SPOCK3: variants seen among roughly 807,000 people sequenced by gnomAD.
The protein encoded by SPOCK3 is testican-3.
Under a neutral mutation model 56.6 loss-of-function variants are expected in SPOCK3, and 30 were observed. The observed-to-expected ratio is 0.53, with a 90% CI of 0.40 to 0.72. The LOEUF (loss-of-function observed/expected upper bound fraction) is 0.72. SPOCK3 is among the 30% of genes least tolerant of loss of function. The probability of loss-of-function intolerance (pLI) is 0.00; values close to 1 mark genes in which losing one functional copy is unlikely to be tolerated. For missense variants in SPOCK3, 527 were observed against 530.0 expected (o/e 0.99, Z 0.06); for synonymous variants, 196 against 183.3 (o/e 1.07, Z -0.56).
rs922304290 is a variant in SPOCK3 at position 167,191,588 on chromosome 4, C to T, written c.189+42397G>A. The stretch of plus-strand genomic sequence containing the variant: ...GATTGTTTGCTTTCTTTTTCAGATA[C>T]TTGGTAGTAGATTGAAATGCAAATA... On this transcript the variant is annotated intron_variant, in intron 2 of 10. Coordinates refer to ENST00000357545, the MANE Select transcript of SPOCK3 (RefSeq NM_001040159.2). 9.7e-5 allele frequency among the ~76,000 whole-genome samples: 14 copies of T among 145,068 alleles called. 2 individuals are homozygous for T. Among genetic ancestry groups the T allele is most frequent in the African/African-American group, 3.7e-4 (14 of 38,028 alleles).
intron 2 of SPOCK3, among the ~76,000 whole-genome samples, chr4:167,182,085 T>G (rs1366191882): frequency 6.6e-6 from 1 of 152,198 alleles, no homozygotes; most frequent in African/African-American, 2.4e-5. Context: ...TTTAATGACT[T>G]TCTAAATAAC....
chr4:167,217,885 G>A (rs145304159), intron 2 of SPOCK3, among the ~76,000 whole-genome samples: 1,639 of 151,014 alleles, frequency 0.011, 26 homozygotes, highest in African/African-American at 0.032. Context: ...CCATCTAGGA[G>A]GAAGTTATTT....
chr4:167,025,339 A>G lies in SPOCK3; in HGVS notation c.236-24876T>C, dbSNP rs537099978. On this transcript the variant is annotated intron_variant, in intron 3 of 10. Coordinates refer to ENST00000357545, the MANE Select transcript of SPOCK3 (RefSeq NM_001040159.2). Reference sequence around the variant, plus strand: ...CCTACCAAAACTATCCATCAATGAAAACAGCCACCATGAGGCTCTCTGATG... The same window carrying G: ...CCTACCAAAACTATCCATCAATGAAGACAGCCACCATGAGGCTCTCTGATG... Among the ~76,000 whole-genome samples the G allele has an allele frequency of 7.9e-5, 12 of 152,088 alleles. No homozygotes were observed. The South Asian group carries it at 2.5e-3, about 32-fold the overall frequency.
intron 2 of SPOCK3, among the ~76,000 whole-genome samples, chr4:167,105,436 A>T (rs72975507): frequency 0.028 from 4,212 of 147,874 alleles, 220 homozygotes; most frequent in African/African-American, 0.099. Context: ...ATCTCAAATT[A>T]AAAAATTACA....
intron 2 of SPOCK3, among the ~76,000 whole-genome samples, chr4:167,073,370 A>C (rs908408679): frequency 6.6e-6 from 1 of 151,888 alleles, no homozygotes; most frequent in Admixed American, 6.6e-5. Context: ...ATACTGTATA[A>C]AATAAATAAC....
At chr4:167,141,432 A>G (rs1173232841) in intron 2 of SPOCK3, among the ~76,000 whole-genome samples, 1 of 152,034 alleles carries the variant, frequency 6.6e-6, no homozygotes, top group Non-Finnish European at 1.5e-5. Flanking sequence ...TCCAACCATT[A>G]CATTTAAAAG....
At chr4:167,009,841 A>T (rs1749853578) in intron 3 of SPOCK3, among the ~76,000 whole-genome samples, 1 of 152,050 alleles carries the variant, frequency 6.6e-6, no homozygotes. Context: ...ATGTCATAAG[A>T]GAAAATATTT....
At chr4:166,942,939 A>G (rs1415005563) in intron 4 of SPOCK3, among the ~76,000 whole-genome samples, 1 of 152,186 alleles carries the variant, frequency 6.6e-6, no homozygotes, top group East Asian at 1.9e-4. Context: ...AGCTGTTTAT[A>G]TTAGTTAGTT....
chr4:166,772,292 CTATCTGCTG>C (rs1739036677), intron 7 of SPOCK3, among the ~76,000 whole-genome samples: 1 of 152,116 alleles, frequency 6.6e-6, no homozygotes, highest in East Asian at 1.9e-4. Flanking sequence ...GTATGCAATG[CTATCTGCTG>C]TATTTCCAAA....
intron 8 of SPOCK3, among the ~76,000 whole-genome samples, chr4:166,749,007 G>A (rs1736015936): frequency 7.3e-6 from 1 of 137,132 alleles, no homozygotes; most frequent in Admixed American, 7.0e-5. Context: ...GAGAGGATGT[G>A]GAGAAATGGG....
At chr4:167,089,533 T>C (rs1172725175) in intron 2 of SPOCK3, among the ~76,000 whole-genome samples, 2 of 152,160 alleles carry the variant, frequency 1.3e-5, no homozygotes, top group African/African-American at 2.4e-5. Flanking sequence ...GTTAAGGCCT[T>C]GACAGCTTCA....
rs771498646 is a variant in SPOCK3, at chr4:167,233,994, T to C, written c.180A>G (p.Lys60=). 6.8e-6 allele frequency: 11 copies of C among 1,613,354 alleles called. No homozygotes were observed. The highest frequency in any genetic ancestry group is 9.3e-6 in the Non-Finnish European group (11 of 1,179,392). ...GGTGCGCGGAACTTACGTCTCGGAA[T>C]TTGTTCCACTGTCCGACTTCCTTGT... is the stretch of plus-strand genomic sequence containing the variant. ...QYDKEVGQWN[K]FRDDDYFRTW... is the part of the protein sequence containing the mutation. The change falls in exon 2 of 11, where the codon AAA becomes AAG. Residue 60 remains lysine (K), a synonymous_variant. Coordinates refer to ENST00000357545, the MANE Select transcript of SPOCK3 (RefSeq NM_001040159.2).
chr4:166,986,626 GTGA>G (rs1403121870), intron 4 of SPOCK3, among the ~76,000 whole-genome samples: 3 of 152,040 alleles, frequency 2.0e-5, no homozygotes, highest in Admixed American at 2.0e-4. Context: ...CTCACAATTT[GTGA>G]TCACTACCAC....
chr4:167,031,734 CCTCT>C (rs1485996367), intron 3 of SPOCK3, among the ~76,000 whole-genome samples: 3 of 151,918 alleles, frequency 2.0e-5, no homozygotes, highest in Non-Finnish European at 2.9e-5. Context: ...GCAATCTTTC[CCTCT>C]CTCTGTTGAA....
At chr4:167,045,179 G>T (rs924103788) in intron 3 of SPOCK3, among the ~76,000 whole-genome samples, 4 of 152,018 alleles carry the variant, frequency 2.6e-5, no homozygotes, top group Non-Finnish European at 4.4e-5. Context: ...TTGTTCTCAT[G>T]TCTACTTTTT....
At chr4:166,915,417 T>C (rs1200492670) in intron 4 of SPOCK3, among the ~76,000 whole-genome samples, 1 of 152,222 alleles carries the variant, frequency 6.6e-6, no homozygotes, top group African/African-American at 2.4e-5. Context: ...ATTTAAATTT[T>C]TGTTTTGTTC....
At chr4:166,746,345 A>T (rs1027153240) in intron 8 of SPOCK3, among the ~76,000 whole-genome samples, 1 of 152,202 alleles carries the variant, frequency 6.6e-6, no homozygotes, top group African/African-American at 2.4e-5. Flanking sequence ...ACTCACTCAA[A>T]ACCACTCAAC....
At chr4:167,091,266 T>C (rs1236173589) in intron 2 of SPOCK3, among the ~76,000 whole-genome samples, 2 of 152,164 alleles carry the variant, frequency 1.3e-5, no homozygotes, top group East Asian at 1.9e-4. Flanking sequence ...ATAACAAAAA[T>C]AGCATATTAT....
At chr4:167,046,951 T>G (rs1753788370) in intron 3 of SPOCK3, among the ~76,000 whole-genome samples, 1 of 152,062 alleles carries the variant, frequency 6.6e-6, no homozygotes, top group South Asian at 2.1e-4. Context: ...ATGTCTAAAT[T>G]TGACTCTAGT....
Sources: allele counts gnomAD v4.1 joint callset (sites outside exome capture counted in the v4.1 genomes callset), GRCh38; gene constraint gnomAD v4.1.1; transcripts MANE v1.5; gene names NCBI Gene and HGNC (gene_info 2026-07-23, HGNC 2026-07-21).